CAMK2A: variants seen among roughly 807,000 people sequenced by gnomAD.
The protein encoded by CAMK2A is calcium/calmodulin dependent protein kinase II alpha.
In CAMK2A, 7 loss-of-function variants were observed where a neutral mutation model predicts 79.2. The observed-to-expected ratio is 0.09, with a 90% CI of 0.05 to 0.17. The LOEUF is 0.17. CAMK2A is among the 10% of genes least tolerant of loss of function. The pLI is 1.00. For missense variants in CAMK2A, 214 were observed against 646.4 expected, an observed-to-expected ratio of 0.33 and a Z score of 7.25; for synonymous variants, 242 against 251.7, an observed-to-expected ratio of 0.96 and a Z score of 0.36.
At chr5:150,258,348 A>G (rs1369046695) in intron 3 of CAMK2A, among the ~76,000 whole-genome samples, 1 of 152,196 alleles carries the variant, frequency 6.6e-6, no homozygotes, top group Non-Finnish European at 1.5e-5. Flanking sequence ...AGCAAGTCTC[A>G]CAGGACAGGG....
chr5:150,272,381 A>G (rs1297752337), intron 2 of CAMK2A, among the ~76,000 whole-genome samples: 1 of 152,196 alleles, frequency 6.6e-6, no homozygotes, highest in Non-Finnish European at 1.5e-5. Context: ...CCTGGCCAAC[A>G]TGGTGAAACC....
Position 150,263,581 on chromosome 5 carries a change from A to G in CAMK2A, c.217+1375T>C, listed in dbSNP as rs563827939. ...CACTGTCACATACACACACACATAC[A>G]TGCATACACATACACTCACACGCAC... On this transcript the variant is annotated intron_variant, in intron 3 of 18. Transcript: ENST00000671881. Among the ~76,000 whole-genome samples, 564 of 151,904 alleles carry G rather than the reference A, an allele frequency of 3.7e-3. 1 individual carries two copies. The highest frequency in any genetic ancestry group is 5.6e-3 in the Non-Finnish European group (381 of 67,928).
At position 150,256,514 on chromosome 5, in the gene CAMK2A, G is replaced by A. The variant is rs1756064018; in HGVS notation, c.411+59C>T. ...ATAATGTCCAGCTCTGCAGGATTAG[G>A]GACGTGCAGAGGAGAGAGGGGCTCC... is the stretch of plus-strand genomic sequence containing the variant. On this transcript the variant is annotated intron_variant, in intron 6 of 18. Transcript: ENST00000671881. This position sits in a 1 kb window ranked among gnomAD's most constrained non-coding sequence, Gnocchi z 4.6. 8.9e-7 allele frequency: 1 copy of A among 1,124,330 alleles called. No homozygotes were observed. 69.6% of individuals were successfully genotyped at this position (1,124,330 alleles called of 1,614,324 possible).
intron 1 of CAMK2A, among the ~76,000 whole-genome samples, chr5:150,278,513 G>T (rs969776312): frequency 1.3e-5 from 2 of 152,196 alleles, no homozygotes; most frequent in African/African-American, 4.8e-5. Flanking sequence ...CCAGCAGATG[G>T]GTGGGTGGGC....
intron 3 of CAMK2A, among the ~76,000 whole-genome samples, chr5:150,261,010 C>T (rs570493701): frequency 6.9e-4 from 105 of 152,316 alleles, no homozygotes; most frequent in African/African-American, 2.5e-3. Flanking sequence ...TGGCAACAGG[C>T]TTTGGAAGGA....
At position 150,282,217 on chromosome 5, in the gene CAMK2A, C is replaced by T. The variant is rs73268757; in HGVS notation, c.62+7347G>A. On this transcript the variant is annotated intron_variant, in intron 1 of 18. Coordinates refer to ENST00000671881, the MANE Select transcript of CAMK2A (RefSeq NM_015981.4). ...GCTCGAGCTGTCCCACACTGCCCCC[C>T]GCCCCCAAACACCAATCCAGCAGAA... Among the ~76,000 whole-genome samples, 948 of 152,266 alleles carry T rather than the reference C, an allele frequency of 6.2e-3. 21 individuals carry two copies. The highest frequency in any genetic ancestry group is 0.022 in the African/African-American group (907 of 41,546).
At position 150,222,682 on chromosome 5, in the gene CAMK2A, A is replaced by G; in HGVS notation, c.*28T>C. The G allele has an allele frequency of 6.2e-7, 1 of 1,613,568 alleles. No homozygotes were observed. Among genetic ancestry groups the G allele is most frequent in the South Asian group, 1.1e-5 (1 of 91,054 alleles). On this transcript the variant is annotated 3_prime_UTR_variant, in exon 19 of 19. Transcript: ENST00000671881. The stretch of plus-strand genomic sequence containing the variant: ...CGGACAGAGTGGATCTCTGCGGCAC[A>G]GCAACGCAGCGACCCCAGCCTGGTC...
At chr5:150,253,350 G>A (rs2150281974) in intron 7 of CAMK2A, 94 bp downstream of exon 7, 1 of 1,008,932 alleles carries the variant, frequency 9.9e-7, no homozygotes, top group Non-Finnish European at 1.6e-6. Context: ...AGCATCTCCA[G>A]CCATACCCAC....
At chr5:150,271,390 C>T (rs1756741847) in intron 2 of CAMK2A, among the ~76,000 whole-genome samples, 4 of 152,206 alleles carry the variant, frequency 2.6e-5, no homozygotes, top group Admixed American at 6.5e-5. Context: ...GCTGAGCTCC[C>T]AGCAACACTG....
intron 10 of CAMK2A, 132 bp from the exon 11 acceptor site, chr5:150,250,441 G>C: frequency 1.2e-6 from 1 of 846,734 alleles, no homozygotes; most frequent in Non-Finnish European, 1.9e-6. Flanking sequence ...CATTGCTCTA[G>C]GAGATGCTTC....
chr5:150,245,089 G>A (rs1459553870), intron 13 of CAMK2A, 72 bp downstream of exon 13: 3 of 1,482,864 alleles, frequency 2.0e-6, no homozygotes, highest in Non-Finnish European at 2.8e-6. Flanking sequence ...CTTGCTCCAG[G>A]CCTGAAAGCC....
intron 1 of CAMK2A, among the ~76,000 whole-genome samples, chr5:150,278,934 G>T (rs954639631): frequency 1.3e-5 from 2 of 152,138 alleles, no homozygotes; most frequent in African/African-American, 4.8e-5. Context: ...GGGGTGTGTG[G>T]GGGGAGAGAC....
chr5:150,222,145 T>C lies in CAMK2A; in HGVS notation c.*565A>G. 1 of 282,688 alleles carries C rather than the reference T, an allele frequency of 3.5e-6. No homozygotes were observed. Among genetic ancestry groups the C allele is most frequent in the Non-Finnish European group, 6.9e-6 (1 of 145,738 alleles). The allele number at this position is 282,688 out of a possible 1,614,324, so 17.5% of individuals were successfully genotyped here. A position where few individuals can be genotyped will look rare whatever the true frequency, so the allele number is the denominator to read the frequency against. On this transcript the variant is annotated 3_prime_UTR_variant, in exon 19 of 19. Transcript: ENST00000671881. ...CACCGAGGGAAGGGTCAGACCACCCTGAGGTCAGCACAGGAGGAAGAAGAC... is the reference window on the plus strand; with the variant it reads ...CACCGAGGGAAGGGTCAGACCACCCCGAGGTCAGCACAGGAGGAAGAAGAC...
intron 17 of CAMK2A, among the ~76,000 whole-genome samples, chr5:150,224,620 C>A (rs1426752529): frequency 6.6e-6 from 1 of 152,110 alleles, no homozygotes; most frequent in East Asian, 1.9e-4. Flanking sequence ...TGAATTTGGG[C>A]TCTCAGACAT....
chr5:150,256,149 A>G lies in CAMK2A; in HGVS notation c.411+424T>C, dbSNP rs1011214018. On this transcript the variant is annotated intron_variant, in intron 6 of 18. Transcript: ENST00000671881. The surrounding 1 kb of genome is among the most constrained non-coding windows in gnomAD (Gnocchi z 4.6). ...CAGGCCCCGTGCTATCTCATTTCAT[A>G]TCCTCACCAACCCTTTGCAGAGGTT... Among the ~76,000 whole-genome samples, 39 of 152,188 alleles carry G rather than the reference A, an allele frequency of 2.6e-4. No homozygotes were observed. Among genetic ancestry groups the G allele is most frequent in the African/African-American group, 9.4e-4 (39 of 41,436 alleles).
At chr5:150,240,959 CAGGTCTAA>C (rs1317714244) in intron 13 of CAMK2A, among the ~76,000 whole-genome samples, 20 of 152,208 alleles carry the variant, frequency 1.3e-4, no homozygotes, top group Admixed American at 1.3e-3. Flanking sequence ...TTGAGGGTCT[CAGGTCTAA>C]TTCTGGGTTT....
Position 150,289,665 on chromosome 5 carries a change from AC to A in CAMK2A, c.-41del. 6.4e-7 allele frequency: 1 copy of A among 1,556,086 alleles called. No individual in the cohort carries two copies. On this transcript the variant is annotated 5_prime_UTR_variant, in exon 1 of 19. Transcript: ENST00000671881. The stretch of plus-strand genomic sequence containing the variant: ...GGCAGGTGAGGCTTGGGACTGGGGG[AC>A]CAGGACTGAGGCGCTGCTGCTCTGC...
intron 1 of CAMK2A, among the ~76,000 whole-genome samples, chr5:150,280,954 A>C (rs1366959446): frequency 1.3e-5 from 2 of 152,148 alleles, no homozygotes; most frequent in Non-Finnish European, 2.9e-5. Flanking sequence ...CTGTATTAAA[A>C]TGATTCTGTG....
intron 13 of CAMK2A, among the ~76,000 whole-genome samples, chr5:150,240,720 G>A (rs1385223847): frequency 6.6e-6 from 1 of 152,198 alleles, no homozygotes; most frequent in Non-Finnish European, 1.5e-5. Flanking sequence ...CCTGCACAAG[G>A]CCTCGCGGCA....
Sources: allele counts gnomAD v4.1 joint callset (sites outside exome capture counted in the v4.1 genomes callset), GRCh38; gene constraint gnomAD v4.1.1; non-coding constraint Gnocchi (gnomAD v3.1); transcripts MANE v1.5; gene names NCBI Gene and HGNC (gene_info 2026-07-23, HGNC 2026-07-21).